Variants in FAM110D observed in about 807,000 individuals in gnomAD.
The protein encoded by FAM110D is family with sequence similarity 110 member D.
For missense variants in FAM110D, 376 were observed against 395.6 expected (o/e 0.95, Z 0.42); for synonymous variants, 174 against 189.4 (o/e 0.92, Z 0.67).
rs1339291141 is a variant in FAM110D at position 26,161,527 on chromosome 1, C to G, written c.236C>G (p.Pro79Arg). The G allele has an allele frequency of 1.9e-6, 3 of 1,550,740 alleles. No individual in the cohort carries two copies. The highest frequency in any genetic ancestry group is 1.7e-6 in the Non-Finnish European group (2 of 1,147,102). ...CGCCGGGGAAGCGGCAGGCGGCTGC[C>G]GAGGCCTGATTCCCTCATCTTCTAC... Reference protein sequence around the residue: ...PVRRGSGRRLPRPDSLIFYRQ... With the variant: ...PVRRGSGRRLRRPDSLIFYRQ... Residue 79 changes from proline to arginine, a missense_variant, in exon 2 of 2, where the codon CCG becomes CGG. Physicochemically the swap from Pro to Arg is moderately radical, Grantham distance 103. Coordinates refer to ENST00000374268, the MANE Select transcript of FAM110D (RefSeq NM_024869.3). The surrounding 1 kb of genome is among the most constrained non-coding windows in gnomAD (Gnocchi z 5.4).
At position 26,162,529 on chromosome 1, in the gene FAM110D, G is replaced by C. The variant is rs2124492332; in HGVS notation, c.*422G>C. On this transcript the variant is annotated 3_prime_UTR_variant, in exon 2 of 2. Transcript: ENST00000374268. The surrounding 1 kb of genome is among the most constrained non-coding windows in gnomAD (Gnocchi z 5.3). ...GCACCCCTCGGTTATTAAGGAGGGAGGAGTAGGGGATAGAAGTATTTCAAA... is the reference window on the plus strand; with the variant it reads ...GCACCCCTCGGTTATTAAGGAGGGACGAGTAGGGGATAGAAGTATTTCAAA... 1 of 177,962 alleles carries C rather than the reference G, an allele frequency of 5.6e-6. No individual in the cohort carries two copies. Among genetic ancestry groups the C allele is most frequent in the Admixed American group, 6.4e-5 (1 of 15,580 alleles). 11.0% of individuals were successfully genotyped at this position (177,962 alleles called of 1,614,324 possible).
chr1:26,162,141 C>T lies in FAM110D; in HGVS notation c.*34C>T. 1 of 1,218,472 alleles carries T rather than the reference C, an allele frequency of 8.2e-7. No individual in the cohort carries two copies. Among genetic ancestry groups the T allele is most frequent in the Non-Finnish European group, 1.0e-6 (1 of 967,592 alleles). 75.5% of individuals were successfully genotyped at this position (1,218,472 alleles called of 1,614,324 possible). A position where few individuals can be genotyped will look rare whatever the true frequency, so the allele number is the denominator to read the frequency against. ...GCTCCGGACTGGCCCCGGGACTGGC[C>T]CCGGGCACGGAAAAGGACACCCCTC... is the stretch of plus-strand genomic sequence containing the variant. On this transcript the variant is annotated 3_prime_UTR_variant, in exon 2 of 2. Transcript: ENST00000374268. The surrounding 1 kb of genome is among the most constrained non-coding windows in gnomAD (Gnocchi z 5.3).
chr1:26,161,506 G>T lies in FAM110D; in HGVS notation c.215G>T (p.Arg72Leu). 1 of 1,552,374 alleles carries T rather than the reference G, an allele frequency of 6.4e-7. No homozygotes were observed. Among genetic ancestry groups the T allele is most frequent in the Non-Finnish European group, 8.7e-7 (1 of 1,148,072 alleles). ...ASPRTPRPVR[R>L]GSGRRLPRPD... The stretch of plus-strand genomic sequence containing the variant: ...CCCAGGACGCCCAGGCCGGTCCGCC[G>T]GGGAAGCGGCAGGCGGCTGCCGAGG... The change falls in exon 2 of 2, where the codon CGG (arginine) becomes CTG (leucine). Residue 72 changes from arginine to leucine, a missense_variant. Physicochemically the swap from Arg to Leu is moderately radical, Grantham distance 102 (BLOSUM62 -2). Coordinates refer to ENST00000374268, the MANE Select transcript of FAM110D (RefSeq NM_024869.3). This position sits in a 1 kb window ranked among gnomAD's most constrained non-coding sequence, Gnocchi z 5.4.
At position 26,161,899 on chromosome 1, in the gene FAM110D, C is replaced by T. The variant is rs1009013585; in HGVS notation, c.608C>T (p.Pro203Leu). The T allele has an allele frequency of 3.5e-6, 5 of 1,442,456 alleles. No individual in the cohort carries two copies. Among genetic ancestry groups the T allele is most frequent in the Non-Finnish European group, 4.5e-6 (5 of 1,104,166 alleles). 89.4% of individuals were successfully genotyped at this position (1,442,456 alleles called of 1,614,324 possible). A position where few individuals can be genotyped will look rare whatever the true frequency, so the allele number is the denominator to read the frequency against. Reference protein sequence around the residue: ...ASPQAGTSPPPGSGDASDWTS... With the variant: ...ASPQAGTSPPLGSGDASDWTS... ...CCGCAGGCCGGAACTTCGCCGCCGC[C>T]CGGCTCCGGGGACGCCAGCGACTGG... Residue 203 changes from proline (P) to leucine (L), a missense_variant, in exon 2 of 2, where the codon CCC becomes CTC. Pro to Leu is a moderately conservative substitution (Grantham distance 98). Coordinates refer to ENST00000374268, the MANE Select transcript of FAM110D (RefSeq NM_024869.3). This position sits in a 1 kb window ranked among gnomAD's most constrained non-coding sequence, Gnocchi z 5.4.
At position 26,162,684 on chromosome 1, in the gene FAM110D, T is replaced by C. The variant is rs1170919559; in HGVS notation, c.*577T>C. 1 of 153,902 alleles carries C rather than the reference T, an allele frequency of 6.5e-6. No homozygotes were observed. Among genetic ancestry groups the C allele is most frequent in the Non-Finnish European group, 1.5e-5 (1 of 68,054 alleles). 9.5% of individuals were successfully genotyped at this position (153,902 alleles called of 1,614,324 possible). A position where few individuals can be genotyped will look rare whatever the true frequency, so the allele number is the denominator to read the frequency against. ...CACTGGCCTCCAGGTCGATCCAAAC[T>C]AGAGCTGGGAGCTGGGAATAATGCG... On this transcript the variant is annotated 3_prime_UTR_variant, in exon 2 of 2. Coordinates refer to ENST00000374268, the MANE Select transcript of FAM110D (RefSeq NM_024869.3). The surrounding 1 kb of genome is among the most constrained non-coding windows in gnomAD (Gnocchi z 5.3).
Position 26,162,003 on chromosome 1 carries a change from GACCGGCGCCCCCC to G in FAM110D, c.713_725del (p.Asp238GlyfsTer113). The stretch of plus-strand genomic sequence containing the variant: ...CTCGGAGGCAGCGGGCTCGGCGCGG[GACCGGCGCCCCCC>G]GGTGTCGGTGGTGGAGCGCAACGCG... On this transcript the variant is annotated frameshift_variant, in exon 2 of 2. Coordinates refer to ENST00000374268, the MANE Select transcript of FAM110D (RefSeq NM_024869.3). LOFTEE classifies it low-confidence loss of function (END_TRUNC). The surrounding 1 kb of genome is among the most constrained non-coding windows in gnomAD (Gnocchi z 5.3). The G allele has an allele frequency of 1.6e-6, 2 of 1,236,422 alleles. No homozygotes were observed. Among genetic ancestry groups the G allele is most frequent in the Non-Finnish European group, 2.0e-6 (2 of 993,798 alleles). 76.6% of individuals were successfully genotyped at this position (1,236,422 alleles called of 1,614,324 possible).
In FAM110D at chr1:26,161,891, G is replaced by C. The variant is rs973029797; in HGVS notation, c.600G>C (p.Ser200=). ...GADASPQAGT[S]PPPGSGDASD... ...ACGCCAGCCCGCAGGCCGGAACTTC[G>C]CCGCCGCCCGGCTCCGGGGACGCCA... The change falls in exon 2 of 2, where the codon TCG becomes TCC. Residue 200 remains serine, a synonymous_variant. Coordinates refer to ENST00000374268, the MANE Select transcript of FAM110D (RefSeq NM_024869.3). The surrounding 1 kb of genome is among the most constrained non-coding windows in gnomAD (Gnocchi z 5.4). The C allele has an allele frequency of 6.9e-7, 1 of 1,452,482 alleles. No homozygotes were observed. Among genetic ancestry groups the C allele is most frequent in the African/African-American group, 1.5e-5 (1 of 67,258 alleles). The allele number at this position is 1,452,482 out of a possible 1,614,324, so 90.0% of individuals were successfully genotyped here. A position where few individuals can be genotyped will look rare whatever the true frequency, so the allele number is the denominator to read the frequency against.
At chr1:26,160,964 C>T (rs990549803) in intron 1 of FAM110D, among the ~76,000 whole-genome samples, 1 of 152,232 alleles carries the variant, frequency 6.6e-6, no homozygotes, top group Non-Finnish European at 1.5e-5. Flanking sequence ...CTAAGGCCTG[C>T]TTGCACGACC....
Position 26,161,500 on chromosome 1 carries a change from T to TCCG in FAM110D, c.213_215dup (p.Arg72dup). The TCCG allele has an allele frequency of 6.4e-7, 1 of 1,552,904 alleles. No individual in the cohort carries two copies. The highest frequency in any genetic ancestry group is 8.7e-7 in the Non-Finnish European group (1 of 1,148,404). On this transcript the variant is annotated inframe_insertion, in exon 2 of 2. Coordinates refer to ENST00000374268, the MANE Select transcript of FAM110D (RefSeq NM_024869.3). The surrounding 1 kb of genome is among the most constrained non-coding windows in gnomAD (Gnocchi z 5.4). ...GCATCGCCCAGGACGCCCAGGCCGG[T>TCCG]CCGCCGGGGAAGCGGCAGGCGGCTG...
Position 26,161,123 on chromosome 1 carries a change from T to C in FAM110D, c.-80-89T>C. The C allele has an allele frequency of 1.5e-6, 1 of 646,814 alleles. No homozygotes were observed. 40.1% of individuals were successfully genotyped at this position (646,814 alleles called of 1,614,324 possible). On this transcript the variant is annotated intron_variant, in intron 1 of 1. Transcript: ENST00000374268. The surrounding 1 kb of genome is among the most constrained non-coding windows in gnomAD (Gnocchi z 5.4). ...ACCGGCTAACCTGGATGGGAGAGGGTGGCTGACTGATCCTATACTGAGGAA... is the reference window on the plus strand; with the variant it reads ...ACCGGCTAACCTGGATGGGAGAGGGCGGCTGACTGATCCTATACTGAGGAA...
rs952694899 is a variant in FAM110D, at chr1:26,161,912, C to T, written c.621C>T (p.Asp207=). ...CTTCGCCGCCGCCCGGCTCCGGGGA[C>T]GCCAGCGACTGGACATCCAGCGACA... ...AGTSPPPGSG[D]ASDWTSSDRG... is the part of the protein sequence containing the mutation. Residue 207 remains aspartate (D), a synonymous_variant, in exon 2 of 2, where the codon GAC becomes GAT. Transcript: ENST00000374268. The surrounding 1 kb of genome is among the most constrained non-coding windows in gnomAD (Gnocchi z 5.4). The T allele has an allele frequency of 4.9e-6, 7 of 1,417,156 alleles. No homozygotes were observed. Among genetic ancestry groups the T allele is most frequent in the South Asian group, 3.0e-5 (2 of 66,568 alleles). 87.8% of individuals were successfully genotyped at this position (1,417,156 alleles called of 1,614,324 possible).
Position 26,161,853 on chromosome 1 carries a change from A to C in FAM110D, c.562A>C (p.Ser188Arg). 4.6e-6 allele frequency: 7 copies of C among 1,516,664 alleles called. No individual in the cohort carries two copies. The highest frequency in any genetic ancestry group is 6.2e-6 in the Non-Finnish European group (7 of 1,135,852). 94.0% of individuals were successfully genotyped at this position (1,516,664 alleles called of 1,614,324 possible). ...VLGAERFSPQ[S>R]WGADASPQAG... is the part of the protein sequence containing the mutation. ...GGGCGCAGAGCGCTTCTCCCCGCAG[A>C]GCTGGGGAGCCGACGCCAGCCCGCA... Residue 188 changes from serine (S) to arginine (R), a missense_variant, in exon 2 of 2, where the codon AGC (serine) becomes CGC (arginine). Coordinates refer to ENST00000374268, the MANE Select transcript of FAM110D (RefSeq NM_024869.3). This position sits in a 1 kb window ranked among gnomAD's most constrained non-coding sequence, Gnocchi z 5.4.
In FAM110D at chr1:26,161,651, C is replaced by T. The variant is rs761018493; in HGVS notation, c.360C>T (p.Ala120=). 2.6e-6 allele frequency: 4 copies of T among 1,552,322 alleles called. No homozygotes were observed. Among genetic ancestry groups the T allele is most frequent in the Non-Finnish European group, 3.5e-6 (4 of 1,148,308 alleles). The stretch of plus-strand genomic sequence containing the variant: ...TTCTGGGTGCCCCGCGGGACGCTGC[C>T]CCGAGCAGCCCGGCCTCCACAGAGC... ...RLFLGAPRDA[A]PSSPASTERP... Residue 120 remains alanine, a synonymous_variant, in exon 2 of 2, where the codon GCC becomes GCT. Transcript: ENST00000374268. The surrounding 1 kb of genome is among the most constrained non-coding windows in gnomAD (Gnocchi z 5.4).
In FAM110D at chr1:26,163,235, T is replaced by A. The variant is rs539370762; in HGVS notation, c.*1128T>A. The A allele has an allele frequency of 6.6e-6, 1 of 152,262 alleles. No individual in the cohort carries two copies. The highest frequency in any genetic ancestry group is 2.1e-4 in the South Asian group (1 of 4,824). The allele number at this position is 152,262 out of a possible 1,614,324, so 9.4% of individuals were successfully genotyped here. On this transcript the variant is annotated 3_prime_UTR_variant, in exon 2 of 2. Coordinates refer to ENST00000374268, the MANE Select transcript of FAM110D (RefSeq NM_024869.3). ...TCCTGCAAGGACACACAAGTTCGCC[T>A]ATTTTCATCACAGGTTCGCACCTCC...
Position 26,161,552 on chromosome 1 carries a change from C to T in FAM110D, c.261C>T (p.Tyr87=). The T allele has an allele frequency of 6.4e-7, 1 of 1,550,454 alleles. No homozygotes were observed. Among genetic ancestry groups the T allele is most frequent in the Non-Finnish European group, 8.7e-7 (1 of 1,146,972 alleles). ...CGAGGCCTGATTCCCTCATCTTCTA[C>T]CGCCAGAAGCGGGACTGCAAGGCTT... ...RLPRPDSLIF[Y]RQKRDCKASV... Residue 87 remains tyrosine (Y), a synonymous_variant, in exon 2 of 2, where the codon TAC becomes TAT. Coordinates refer to ENST00000374268, the MANE Select transcript of FAM110D (RefSeq NM_024869.3). The surrounding 1 kb of genome is among the most constrained non-coding windows in gnomAD (Gnocchi z 5.4).
chr1:26,162,162 C>G lies in FAM110D; in HGVS notation c.*55C>G, dbSNP rs1193489019. 8.9e-7 allele frequency: 1 copy of G among 1,127,984 alleles called. No homozygotes were observed. The highest frequency in any genetic ancestry group is 1.1e-6 in the Non-Finnish European group (1 of 883,562). The allele number at this position is 1,127,984 out of a possible 1,614,324, so 69.9% of individuals were successfully genotyped here. On this transcript the variant is annotated 3_prime_UTR_variant, in exon 2 of 2. Coordinates refer to ENST00000374268, the MANE Select transcript of FAM110D (RefSeq NM_024869.3). The surrounding 1 kb of genome is among the most constrained non-coding windows in gnomAD (Gnocchi z 5.3). ...TGGCCCCGGGCACGGAAAAGGACAC[C>G]CCTCTTCTGGCGCGCTGGGTGCCTT...
chr1:26,159,401 T>G (rs544436513), intron 1 of FAM110D, among the ~76,000 whole-genome samples: 18 of 152,192 alleles, frequency 1.2e-4, no homozygotes, highest in Admixed American at 5.2e-4. Context: ...ACAGACTATT[T>G]TGGTCCTTGT....
In FAM110D at chr1:26,162,146, G is replaced by T. The variant is rs2088377089; in HGVS notation, c.*39G>T. ...GGACTGGCCCCGGGACTGGCCCCGGGCACGGAAAAGGACACCCCTCTTCTG... is the reference window on the plus strand; with the variant it reads ...GGACTGGCCCCGGGACTGGCCCCGGTCACGGAAAAGGACACCCCTCTTCTG... On this transcript the variant is annotated 3_prime_UTR_variant, in exon 2 of 2. Transcript: ENST00000374268. The surrounding 1 kb of genome is among the most constrained non-coding windows in gnomAD (Gnocchi z 5.3). 2 of 1,203,738 alleles carry T rather than the reference G, an allele frequency of 1.7e-6. No homozygotes were observed. The highest frequency in any genetic ancestry group is 6.4e-5 in the East Asian group (2 of 31,224). 74.6% of individuals were successfully genotyped at this position (1,203,738 alleles called of 1,614,324 possible).
chr1:26,162,233 G>A lies in FAM110D; in HGVS notation c.*126G>A. Reference sequence around the variant, plus strand: ...GAACTCAGTTTCGCGTCTGAACCTTGGGGAGGTGGAACAAGTTGCTGCCGA... The same window carrying A: ...GAACTCAGTTTCGCGTCTGAACCTTAGGGAGGTGGAACAAGTTGCTGCCGA... On this transcript the variant is annotated 3_prime_UTR_variant, in exon 2 of 2. Coordinates refer to ENST00000374268, the MANE Select transcript of FAM110D (RefSeq NM_024869.3). The surrounding 1 kb of genome is among the most constrained non-coding windows in gnomAD (Gnocchi z 5.3). 1.7e-6 allele frequency: 1 copy of A among 603,668 alleles called. No individual in the cohort carries two copies. The highest frequency in any genetic ancestry group is 2.4e-6 in the Non-Finnish European group (1 of 410,530). 37.4% of individuals were successfully genotyped at this position (603,668 alleles called of 1,614,324 possible). A position where few individuals can be genotyped will look rare whatever the true frequency, so the allele number is the denominator to read the frequency against.
Sources: gnomAD v4.1 joint callset for allele counts (sites outside exome capture counted in the v4.1 genomes callset) on GRCh38, gnomAD v4.1.1 for gene constraint, Gnocchi (gnomAD v3.1) non-coding constraint, MANE v1.5 for transcripts, NCBI Gene and HGNC (gene_info 2026-07-23, HGNC 2026-07-21) for gene names.